Variants in CDH3 observed in about 807,000 individuals in gnomAD.
CDH3 encodes cadherin 3, also known as cadherin-3.
Under a neutral mutation model 82.0 loss-of-function variants are expected in CDH3, and 54 were observed. That is an observed-to-expected ratio of 0.66 (90% CI 0.53 to 0.83). CDH3 has a LOEUF of 0.83. Ranked by LOEUF, CDH3 falls within the 40% of genes least tolerant of loss-of-function variation. The pLI, the probability that CDH3 is intolerant of heterozygous loss-of-function variation, is 0.00. For synonymous variants in CDH3, 446 were observed against 437.9 expected (o/e 1.02, Z -0.23); for missense variants, 1,054 against 1,084.6 (o/e 0.97, Z 0.40).
At chr16:68,679,694 CAAAAAAA>C (rs66540234) in intron 6 of CDH3, 98 bp from the exon 7 acceptor site, 8,958 of 359,326 alleles carry the variant, frequency 0.025, 22 homozygotes, top group African/African-American at 0.043. Flanking sequence ...GACTTCATCT[CAAAAAAA>C]AAAAAAAAAA....
intron 2 of CDH3, among the ~76,000 whole-genome samples, chr16:68,671,151 T>C (rs1224991538): frequency 6.8e-6 from 1 of 147,940 alleles, no homozygotes; most frequent in Non-Finnish European, 1.5e-5. Flanking sequence ...TTTAGATTGA[T>C]GTACTTTTTT....
chr16:68,687,221 C>T (rs1176027554), intron 11 of CDH3, among the ~76,000 whole-genome samples: 5 of 152,098 alleles, frequency 3.3e-5, no homozygotes, highest in Admixed American at 1.3e-4. Flanking sequence ...GGGAAGCTTC[C>T]CTGAAGCTGA....
chr16:68,672,843 T>G (rs1012905040), intron 2 of CDH3, among the ~76,000 whole-genome samples: 1 of 152,162 alleles, frequency 6.6e-6, no homozygotes, highest in Non-Finnish European at 1.5e-5. Flanking sequence ...ATTCACTGAG[T>G]CCACTGCCTA....
At chr16:68,731,051 T>TAA (rs1164666393), downstream of CDH3, among the ~76,000 whole-genome samples, 1 of 23,186 alleles carries the variant, frequency 4.3e-5, no homozygotes, top group African/African-American at 1.1e-4. Context: ...AAAAAAAATA[T>TAA]ATATATATAT....
chr16:68,728,227 A>G (rs1962239353), downstream of CDH3, among the ~76,000 whole-genome samples: 3 of 152,010 alleles, frequency 2.0e-5, no homozygotes, highest in Admixed American at 2.0e-4. Context: ...GCGCAGTGGC[A>G]CGATCTCGGC....
rs1157585630 is a variant in CDH3 at position 68,654,308 on chromosome 16, C to G, written c.160+8558C>G. On this transcript the variant is annotated intron_variant, in intron 2 of 15. Transcript: ENST00000264012. ...TCTTCTGACCTTGTGATCTACCCGC[C>G]TTGGCCTCCCAAAGTGCTGGGATTA... Among the ~76,000 whole-genome samples the G allele has an allele frequency of 1.3e-5, 2 of 149,258 alleles. 1 individual carries two copies. The highest frequency in any genetic ancestry group is 4.9e-5 in the African/African-American group (2 of 40,622).
intron 9 of CDH3, among the ~76,000 whole-genome samples, chr16:68,682,820 C>G (rs1170688499): frequency 1.3e-5 from 2 of 152,204 alleles, no homozygotes; most frequent in Non-Finnish European, 2.9e-5. Flanking sequence ...TGCATTTACT[C>G]TAAAACTCAT....
Position 68,718,305 on chromosome 16 carries a change from AC to A in CDH3, c.100-4119del, listed in dbSNP as rs577588961. Reference sequence around the variant, plus strand: ...AGGTGTGAGCCACCGAACTGGCTAAACTTTTTTTGTGTGTTAAATTACCCAG... The same window carrying A: ...AGGTGTGAGCCACCGAACTGGCTAAATTTTTTTGTGTGTTAAATTACCCAG... On this transcript the variant is annotated intron_variant, in intron 1 of 2. Transcript: ENST00000569080. Among the ~76,000 whole-genome samples the A allele has an allele frequency of 1.7e-3, 253 of 152,186 alleles. 1 individual carries two copies. Among genetic ancestry groups the A allele is most frequent in the Non-Finnish European group, 2.8e-3 (193 of 68,004 alleles).
chr16:68,729,236 C>T (rs556135523), downstream of CDH3, among the ~76,000 whole-genome samples: 5 of 152,126 alleles, frequency 3.3e-5, no homozygotes, highest in Non-Finnish European at 7.4e-5. Context: ...ACCCGGGAGG[C>T]GGAGGTTGCA....
At chr16:68,685,445 G>A in intron 11 of CDH3, 95 bp downstream of exon 11, 1 of 1,359,924 alleles carries the variant, frequency 7.4e-7, no homozygotes, top group Non-Finnish European at 1.0e-6. Flanking sequence ...GTGGGAACAT[G>A]TGTCGAGGAG....
intron 2 of CDH3, among the ~76,000 whole-genome samples, chr16:68,661,266 T>C (rs1244469023): frequency 6.6e-6 from 1 of 152,218 alleles, no homozygotes; most frequent in Non-Finnish European, 1.5e-5. Context: ...GTGCCTGAAT[T>C]GGGGTCCCAG....
chr16:68,724,566 G>T (rs1393452372), intron 2 of CDH3, among the ~76,000 whole-genome samples: 4 of 151,862 alleles, frequency 2.6e-5, no homozygotes, highest in Middle Eastern at 6.3e-3. Context: ...GTTCAAGGTT[G>T]CAGTGAGCTA....
intron 2 of CDH3, among the ~76,000 whole-genome samples, chr16:68,725,990 C>G (rs547624346): frequency 1.3e-5 from 2 of 151,966 alleles, no homozygotes; most frequent in South Asian, 4.2e-4. Flanking sequence ...AGGAGGCAGA[C>G]GGAGGTTGCA....
downstream of CDH3, among the ~76,000 whole-genome samples, chr16:68,732,000 T>TA (rs1488400574): frequency 2.6e-5 from 4 of 152,088 alleles, no homozygotes; most frequent in Non-Finnish European, 4.4e-5. Context: ...CATTATACTA[T>TA]ATGTAGTGTG....
chr16:68,713,503 T>G (rs1024550660), intron 1 of CDH3, among the ~76,000 whole-genome samples: 3 of 151,898 alleles, frequency 2.0e-5, no homozygotes, highest in African/African-American at 4.8e-5. Context: ...TCCCCTGACC[T>G]AGGCCAAACC....
chr16:68,733,748 A>C, the CDH3 span, among the ~76,000 whole-genome samples: 2 of 152,138 alleles, frequency 1.3e-5, no homozygotes, highest in South Asian at 4.1e-4. Context: ...TCACTAAATA[A>C]ATAAATAGGA....
chr16:68,662,794 C>T (rs532346880), intron 2 of CDH3, among the ~76,000 whole-genome samples: 1 of 151,476 alleles, frequency 6.6e-6, no homozygotes. Flanking sequence ...GATCCACCTG[C>T]CTCAGCCTCC....
At chr16:68,706,774 G>A (rs1487420896) in intron 1 of CDH3, among the ~76,000 whole-genome samples, 4 of 151,770 alleles carry the variant, frequency 2.6e-5, no homozygotes, top group East Asian at 1.9e-4. Context: ...GGCTGGTCTC[G>A]AACTCTTGAC....
intron 1 of CDH3, among the ~76,000 whole-genome samples, chr16:68,715,301 C>A (rs1489695903): frequency 6.6e-6 from 1 of 150,568 alleles, no homozygotes; most frequent in South Asian, 2.1e-4. Context: ...GTGGTGCAGC[C>A]CTGTAGTCCC....
Sources: gnomAD v4.1 joint callset for allele counts (sites outside exome capture counted in the v4.1 genomes callset) on GRCh38, gnomAD v4.1.1 for gene constraint, MANE v1.5 for transcripts, NCBI Gene and HGNC (gene_info 2026-07-23, HGNC 2026-07-21) for gene names.